Variants in DYRK1A observed in about 807,000 individuals in gnomAD.
DYRK1A encodes dual specificity tyrosine phosphorylation regulated kinase 1A.
DYRK1A carries 9 observed loss-of-function variants against 79.7 expected under a neutral mutation model. That is an observed-to-expected ratio of 0.11 (90% CI 0.07 to 0.20). The LOEUF is 0.20. Ranked by LOEUF, DYRK1A falls within the 10% of genes least tolerant of loss-of-function variation. The probability of loss-of-function intolerance (pLI) is 1.00; values close to 1 mark genes in which losing one functional copy is unlikely to be tolerated. For missense variants in DYRK1A, 622 were observed against 956.0 expected (o/e 0.65, Z 4.61); for synonymous variants, 349 against 329.7 (o/e 1.06, Z -0.63).
At chr21:37,365,726 G>A (rs2049289717), upstream of DYRK1A, 2 of 152,252 alleles carry the variant, frequency 1.3e-5, no homozygotes, top group African/African-American at 2.4e-5. Flanking sequence ...AAACCGAGAA[G>A]GTGTATAGAA....
chr21:37,484,297 C>T (rs1268567577), intron 5 of DYRK1A, among the ~76,000 whole-genome samples: 1 of 151,404 alleles, frequency 6.6e-6, no homozygotes, highest in Non-Finnish European at 1.5e-5. Flanking sequence ...GAAAACTTCA[C>T]TAACGTTTGG....
chr21:37,467,561 A>G (rs1039740688), intron 2 of DYRK1A, among the ~76,000 whole-genome samples: 2 of 152,230 alleles, frequency 1.3e-5, no homozygotes, highest in Non-Finnish European at 2.9e-5. Flanking sequence ...TCAAAAATCA[A>G]TCAGCGTCAT....
intron 2 of DYRK1A, among the ~76,000 whole-genome samples, chr21:37,440,365 G>C (rs2148475756): frequency 6.6e-6 from 1 of 151,932 alleles, no homozygotes; most frequent in Admixed American, 6.6e-5. Flanking sequence ...TCGAACTCCT[G>C]ACCTCAAGTG....
At chr21:37,472,357 G>C (rs1450194385) in intron 2 of DYRK1A, among the ~76,000 whole-genome samples, 1 of 152,154 alleles carries the variant, frequency 6.6e-6, no homozygotes, top group Non-Finnish European at 1.5e-5. Context: ...ATAATTAAAA[G>C]ATTACTTATT....
At position 37,472,825 on chromosome 21, in the gene DYRK1A, A is replaced by G; in HGVS notation, c.152A>G (p.Gln51Arg). 1 of 1,609,058 alleles carries G rather than the reference A, an allele frequency of 6.2e-7. No homozygotes were observed. Reference sequence around the variant, plus strand: ...CGTCGCCAGCCAAACATAAGTGACCAACAGGTTTCTGCCTTATCATATTCT... The same window carrying G: ...CGTCGCCAGCCAAACATAAGTGACCGACAGGTTTCTGCCTTATCATATTCT... ...SDRRQPNISD[Q>R]QVSALSYSDQ... Residue 51 changes from glutamine to arginine, a missense_variant, in exon 3 of 12, where the codon CAA becomes CGA. Physicochemically the swap from Gln to Arg is conservative, Grantham distance 43. This residue lies in a region of DYRK1A where 91 missense variants were observed against 113.8 expected (regional missense o/e 0.80). Transcript: ENST00000647188.
At chr21:37,499,559 G>A (rs2053377759) in intron 9 of DYRK1A, among the ~76,000 whole-genome samples, 1 of 152,176 alleles carries the variant, frequency 6.6e-6, no homozygotes, top group Non-Finnish European at 1.5e-5. Context: ...GTAAAGATGG[G>A]TTATCTCTCC....
rs2053967516 is a variant in DYRK1A, at chr21:37,526,321, T to G, written c.*13790T>G. ...AGTCTAATAGAATCTTATAAAAATG[T>G]ATAAATGTGTTTTATGTAATAAATA... is the stretch of plus-strand genomic sequence containing the variant. On this transcript the variant is annotated 3_prime_UTR_variant, in exon 12 of 12. Coordinates refer to ENST00000647188, the MANE Select transcript of DYRK1A (RefSeq NM_001347721.2). 6.6e-6 allele frequency: 1 copy of G among 152,188 alleles called. No individual in the cohort carries two copies. The highest frequency in any genetic ancestry group is 2.1e-4 in the South Asian group (1 of 4,830). 9.4% of individuals were successfully genotyped at this position (152,188 alleles called of 1,614,324 possible).
chr21:37,511,625 C>A (rs569350402), intron 11 of DYRK1A, among the ~76,000 whole-genome samples: 45 of 152,268 alleles, frequency 3.0e-4, no homozygotes, highest in African/African-American at 9.9e-4. Flanking sequence ...TATTTGCTGA[C>A]CCCTGGCATA....
intron 2 of DYRK1A, among the ~76,000 whole-genome samples, chr21:37,426,605 A>G (rs2050624039): frequency 6.6e-6 from 1 of 152,098 alleles, no homozygotes; most frequent in Non-Finnish European, 1.5e-5. Flanking sequence ...AAATTTCTCA[A>G]AAAACTGTTT....
intron 1 of DYRK1A, among the ~76,000 whole-genome samples, chr21:37,371,942 A>C (rs2049439371): frequency 1.3e-5 from 2 of 152,104 alleles, no homozygotes; most frequent in African/African-American, 4.8e-5. Context: ...TTAATTTTTA[A>C]AAAAGCTTTC....
intron 5 of DYRK1A, 143 bp downstream of exon 5, chr21:37,480,969 A>G (rs2052618958): frequency 1.6e-6 from 1 of 632,688 alleles, no homozygotes; most frequent in African/African-American, 1.9e-5. Flanking sequence ...TTGGATGACC[A>G]TAATTCTTTA....
intron 1 of DYRK1A, among the ~76,000 whole-genome samples, chr21:37,377,694 C>G (rs1052462758): frequency 1.3e-5 from 2 of 152,182 alleles, no homozygotes; most frequent in Admixed American, 6.5e-5. Context: ...GTCTTGAACT[C>G]CTGGCCTCAG....
intron 1 of DYRK1A, among the ~76,000 whole-genome samples, chr21:37,380,416 CGTT>C (rs929025874): frequency 2.0e-5 from 3 of 148,292 alleles, no homozygotes; most frequent in Non-Finnish European, 3.0e-5. Flanking sequence ...TTTTGTATTT[CGTT>C]GTTGTGGTTC....
intron 1 of DYRK1A, among the ~76,000 whole-genome samples, chr21:37,380,725 T>TAA (rs74674029): frequency 7.0e-6 from 1 of 143,432 alleles, no homozygotes; most frequent in African/African-American, 2.6e-5. Context: ...TTGTCTCTCC[T>TAA]AAAAAAAAAA....
At chr21:37,455,092 C>T (rs1165082586) in intron 2 of DYRK1A, among the ~76,000 whole-genome samples, 1 of 148,566 alleles carries the variant, frequency 6.7e-6, no homozygotes, top group African/African-American at 2.5e-5. Flanking sequence ...AAAACAGGCT[C>T]CCAGGACAAT....
chr21:37,457,038 T>TATC (rs1211074511), intron 2 of DYRK1A, among the ~76,000 whole-genome samples: 1 of 24,430 alleles, frequency 4.1e-5, no homozygotes, highest in African/African-American at 1.2e-4. Context: ...ACTTACTTAC[T>TATC]TATTTATTTA....
chr21:37,494,760 C>T (rs1262870226), intron 8 of DYRK1A, among the ~76,000 whole-genome samples: 1 of 151,830 alleles, frequency 6.6e-6, no homozygotes, highest in Non-Finnish European at 1.5e-5. Flanking sequence ...CTGGCCCTGC[C>T]AATATGGTGA....
rs933402953 is a variant in DYRK1A, at chr21:37,525,696, C to T, written c.*13165C>T. The T allele has an allele frequency of 6.6e-6, 1 of 152,136 alleles. No homozygotes were observed. The highest frequency in any genetic ancestry group is 2.4e-5 in the African/African-American group (1 of 41,414). The allele number at this position is 152,136 out of a possible 1,614,324, so 9.4% of individuals were successfully genotyped here. ...TTGAATCTATCATGCATTATTGAAC[C>T]AGTATTGTCAATAGTGAACTTCCTT... On this transcript the variant is annotated 3_prime_UTR_variant, in exon 12 of 12. Transcript: ENST00000647188.
intron 2 of DYRK1A, among the ~76,000 whole-genome samples, chr21:37,424,161 G>A (rs768039763): frequency 1.5e-4 from 23 of 152,060 alleles, no homozygotes; most frequent in Non-Finnish European, 2.6e-4. Context: ...TGGAATTGTT[G>A]TCGTGGTCGT....
Sources: allele counts gnomAD v4.1 joint callset (sites outside exome capture counted in the v4.1 genomes callset), GRCh38; gene constraint gnomAD v4.1.1; regional missense constraint gnomAD v4.1.1; transcripts MANE v1.5; gene names NCBI Gene and HGNC (gene_info 2026-07-23, HGNC 2026-07-21).